DUSP10: variants seen among roughly 807,000 people sequenced by gnomAD.
The protein encoded by DUSP10 is dual specificity protein phosphatase 10.
A neutral mutation model predicts 30.8 loss-of-function variants in DUSP10; 14 were observed. The observed-to-expected ratio is 0.46, with a 90% CI of 0.30 to 0.71. The LOEUF is 0.71. DUSP10 is among the 30% of genes least tolerant of loss of function. DUSP10 has a pLI of 0.08. For missense variants in DUSP10, 550 were observed against 619.4 expected, an observed-to-expected ratio of 0.89 and a Z score of 1.19; for synonymous variants, 254 against 250.4, an observed-to-expected ratio of 1.01 and a Z score of -0.14.
At chr1:221,720,939 G>A (rs187073198) in intron 2 of DUSP10, among the ~76,000 whole-genome samples, 1 of 152,176 alleles carries the variant, frequency 6.6e-6, no homozygotes, top group Non-Finnish European at 1.5e-5. Flanking sequence ...TTAAAGTGTG[G>A]ACCCCAAGAA....
chr1:221,708,041 C>A (rs746479056), intron 2 of DUSP10, among the ~76,000 whole-genome samples: 1 of 152,130 alleles, frequency 6.6e-6, no homozygotes, highest in Non-Finnish European at 1.5e-5. Context: ...ATTATTAGTG[C>A]CAACTGAGCT....
At chr1:221,725,688 T>A (rs1436586551) in intron 2 of DUSP10, among the ~76,000 whole-genome samples, 2 of 152,248 alleles carry the variant, frequency 1.3e-5, no homozygotes, top group African/African-American at 4.8e-5. Flanking sequence ...TATCTTTCCA[T>A]TCTGATGTGT....
chr1:221,731,310 A>G (rs1327528385), intron 2 of DUSP10, among the ~76,000 whole-genome samples: 3 of 151,996 alleles, frequency 2.0e-5, no homozygotes, highest in Non-Finnish European at 4.4e-5. Flanking sequence ...CCTCTGAAAT[A>G]TTGTTTACAA....
rs758229981 is a variant in DUSP10 at position 221,702,475 on chromosome 1, T to G, written c.1386A>C (p.Leu462=). ...GGATTCTCGGTGTCACACCGTTGTT[T>G]AGGTCTTCCTCGAACTCTAGCAACT... The part of the protein sequence containing the change: ...MGQLLEFEED[L]NNGVTPRILT... Residue 462 remains leucine (L), a synonymous_variant, in exon 4 of 4, where the codon CTA becomes CTC. Coordinates refer to ENST00000366899, the MANE Select transcript of DUSP10 (RefSeq NM_007207.6). The surrounding 1 kb of genome is among the most constrained non-coding windows in gnomAD (Gnocchi z 4.5). The G allele has an allele frequency of 6.2e-6, 10 of 1,614,194 alleles. No individual in the cohort carries two copies. Among genetic ancestry groups the G allele is most frequent in the Admixed American group, 3.3e-5 (2 of 60,032 alleles).
intron 2 of DUSP10, among the ~76,000 whole-genome samples, chr1:221,737,663 T>C (rs1369148226): frequency 6.6e-6 from 1 of 152,138 alleles, no homozygotes; most frequent in Non-Finnish European, 1.5e-5. Context: ...TGTAGCCCCA[T>C]GAGGGCAAGT....
At position 221,739,003 on chromosome 1, in the gene DUSP10, G is replaced by T; in HGVS notation, c.742C>A (p.Pro248Thr). Residue 248 changes from proline to threonine, a missense_variant, in exon 2 of 4, where the codon CCC becomes ACC. Physicochemically the swap from Pro to Thr is conservative, Grantham distance 38. Transcript: ENST00000366899. ...ENTNEPSRVM[P>T]SQPLHIVLES... is the part of the protein sequence containing the mutation. ...AGGACTATGTGAAGTGGCTGGGAGG[G>T]CATCACTCGGCTTGGTTCATTGGTA... 6.2e-7 allele frequency: 1 copy of T among 1,614,126 alleles called. No homozygotes were observed. The highest frequency in any genetic ancestry group is 1.1e-5 in the South Asian group (1 of 91,082).
chr1:221,737,404 T>C, intron 2 of DUSP10: 3 of 985,384 alleles, frequency 3.0e-6, no homozygotes, highest in Non-Finnish European at 3.6e-6. Flanking sequence ...ATCAAGATTA[T>C]GGTAAGACAA....
chr1:221,730,140 T>C (rs1661539806), intron 2 of DUSP10, among the ~76,000 whole-genome samples: 1 of 152,084 alleles, frequency 6.6e-6, no homozygotes, highest in South Asian at 2.1e-4. Context: ...CAGCTGGTAA[T>C]ATTTAGCTCA....
chr1:221,739,214 G>T lies in DUSP10; in HGVS notation c.531C>A (p.Cys177Ter). 1.2e-6 allele frequency: 2 copies of T among 1,614,218 alleles called. No individual in the cohort carries two copies. Among genetic ancestry groups the T allele is most frequent in the Non-Finnish European group, 1.7e-6 (2 of 1,180,044 alleles). The part of the protein sequence containing the change: ...LPSQGPVIID[C>*]RPFMEYNKSH... Reference sequence around the variant, plus strand: ...TCTTGTTGTACTCCATGAAGGGCCTGCAGTCAATGATGACAGGGCCCTGAC... The same window carrying T: ...TCTTGTTGTACTCCATGAAGGGCCTTCAGTCAATGATGACAGGGCCCTGAC... Residue 177 changes from cysteine (C) to a stop codon, truncating the protein, a stop_gained, in exon 2 of 4, where the codon TGC (cysteine) becomes TGA (stop). Transcript: ENST00000366899. LOFTEE classifies it high-confidence loss of function.
intron 2 of DUSP10, among the ~76,000 whole-genome samples, chr1:221,713,456 T>C (rs1469910715): frequency 3.9e-5 from 6 of 152,222 alleles, no homozygotes; most frequent in East Asian, 1.9e-4. Flanking sequence ...ACATTTCTGG[T>C]ATATTCTCTA....
chr1:221,741,472 G>A (rs1487375409), intron 1 of DUSP10, among the ~76,000 whole-genome samples: 1 of 152,068 alleles, frequency 6.6e-6, no homozygotes, highest in Non-Finnish European at 1.5e-5. Flanking sequence ...AGAGGGTCGG[G>A]CGTACATACT....
At chr1:221,740,455 T>C (rs1265160787) in intron 1 of DUSP10, among the ~76,000 whole-genome samples, 1 of 152,218 alleles carries the variant, frequency 6.6e-6, no homozygotes, top group African/African-American at 2.4e-5. Context: ...CTCTTATAAA[T>C]TAATCTGCAT....
rs1661890286 is a variant in DUSP10 at position 221,739,609 on chromosome 1, T to C, written c.136A>G (p.Ile46Val). 2 of 1,614,028 alleles carry C rather than the reference T, an allele frequency of 1.2e-6. No homozygotes were observed. The highest frequency in any genetic ancestry group is 1.3e-5 in the African/African-American group (1 of 74,892). Residue 46 changes from isoleucine (I) to valine (V), a missense_variant, in exon 2 of 4, where the codon ATC (isoleucine) becomes GTC (valine). Coordinates refer to ENST00000366899, the MANE Select transcript of DUSP10 (RefSeq NM_007207.6). ...TTGAGGGACACAACGGTGGTGGCGA[T>C]GACAGGAGGGTGGCTGTTACTGCCT... The part of the protein sequence containing the change: ...NPGSNSHPPV[I>V]ATTVVSLKAA...
chr1:221,709,311 G>A (rs929682905), intron 2 of DUSP10, among the ~76,000 whole-genome samples: 1 of 150,780 alleles, frequency 6.6e-6, no homozygotes, highest in African/African-American at 2.5e-5. Flanking sequence ...GCCTAATGGG[G>A]GGAAAAAAAC....
intron 3 of DUSP10, among the ~76,000 whole-genome samples, chr1:221,704,300 T>C (rs1660692211): frequency 6.8e-6 from 1 of 147,294 alleles, no homozygotes; most frequent in Non-Finnish European, 1.5e-5. Context: ...CTATTTGTTA[T>C]TGGTTTTGTT....
chr1:221,726,754 A>G (rs1212199279), intron 2 of DUSP10, among the ~76,000 whole-genome samples: 1 of 151,898 alleles, frequency 6.6e-6, no homozygotes. Flanking sequence ...CAAAAGAAAC[A>G]CTGGGTTTTT....
intron 2 of DUSP10, among the ~76,000 whole-genome samples, chr1:221,714,914 A>T (rs536053177): frequency 5.3e-5 from 8 of 152,318 alleles, no homozygotes; most frequent in African/African-American, 1.9e-4. Context: ...AAAAAAACCC[A>T]GCATTCCAGA....
intron 2 of DUSP10, among the ~76,000 whole-genome samples, chr1:221,731,271 T>C (rs1195305797): frequency 6.6e-6 from 1 of 152,112 alleles, no homozygotes; most frequent in African/African-American, 2.4e-5. Flanking sequence ...TGCAAACATT[T>C]TATTTTTTTA....
In DUSP10 at chr1:221,701,482, A is replaced by AT. The variant is rs5781244; in HGVS notation, c.*929dup. ...ACACAATCAACAGAAACACACCAAG[A>AT]TTTTTTTTTTTTTTGCGAAAAATAT... is the stretch of plus-strand genomic sequence containing the variant. On this transcript the variant is annotated 3_prime_UTR_variant, in exon 4 of 4. Coordinates refer to ENST00000366899, the MANE Select transcript of DUSP10 (RefSeq NM_007207.6). The AT allele has an allele frequency of 7.1e-3, 997 of 141,140 alleles. 6 individuals are homozygous for AT. The highest frequency in any genetic ancestry group is 8.1e-3 in the Non-Finnish European group (531 of 65,200). 8.7% of individuals were successfully genotyped at this position (141,140 alleles called of 1,614,324 possible). A position where few individuals can be genotyped will look rare whatever the true frequency, so the allele number is the denominator to read the frequency against.
Sources: gnomAD v4.1 joint callset for allele counts (sites outside exome capture counted in the v4.1 genomes callset) on GRCh38, gnomAD v4.1.1 for gene constraint, Gnocchi (gnomAD v3.1) non-coding constraint, MANE v1.5 for transcripts, NCBI Gene and HGNC (gene_info 2026-07-23, HGNC 2026-07-21) for gene names.